The following CNTN5 variants were observed in gnomAD, a reference collection of about 807,000 sequenced individuals.
The protein encoded by CNTN5 is contactin 5, also known as contactin-5.
CNTN5 carries 77 observed loss-of-function variants against 129.1 expected under a neutral mutation model. The ratio of observed to expected loss-of-function variants is 0.60; its 90% CI spans 0.50 to 0.72. The LOEUF (loss-of-function observed/expected upper bound fraction) is 0.72, where lower values mean the gene tolerates loss of function less well. Among genes scored for constraint, CNTN5 ranks in the 30% least tolerant of loss-of-function variants. The probability of loss-of-function intolerance (pLI) is 0.00; values close to 1 mark genes in which losing one functional copy is unlikely to be tolerated. For missense variants in CNTN5, 1,478 were observed against 1,328.8 expected (o/e 1.11, Z -1.75); for synonymous variants, 509 against 465.6 (o/e 1.09, Z -1.20).
intron 21 of CNTN5, among the ~76,000 whole-genome samples, chr11:100,313,722 A>T (rs993711416): frequency 5.9e-5 from 9 of 152,034 alleles, no homozygotes; most frequent in Non-Finnish European, 1.2e-4. Flanking sequence ...GAACAAGAGC[A>T]GAGGGGAATG....
intron 1 of CNTN5, among the ~76,000 whole-genome samples, chr11:99,310,859 T>C (rs1865082921): frequency 6.6e-6 from 1 of 152,210 alleles, no homozygotes; most frequent in South Asian, 2.1e-4. Flanking sequence ...GCAAATATTT[T>C]TCTGTGTCTA....
intron 1 of CNTN5, among the ~76,000 whole-genome samples, chr11:99,023,171 C>G (rs1473388292): frequency 6.6e-6 from 1 of 152,154 alleles, no homozygotes; most frequent in Non-Finnish European, 1.5e-5. Flanking sequence ...AATTCTTAGT[C>G]AGGGAGCCAA....
At chr11:99,100,086 A>G (rs1866650058) in intron 1 of CNTN5, among the ~76,000 whole-genome samples, 1 of 152,154 alleles carries the variant, frequency 6.6e-6, no homozygotes, top group Non-Finnish European at 1.5e-5. Flanking sequence ...TTTGGGAAAA[A>G]AATTTTATAA....
intron 2 of CNTN5, among the ~76,000 whole-genome samples, chr11:99,472,795 A>G (rs1459573366): frequency 6.6e-6 from 1 of 152,006 alleles, no homozygotes; most frequent in Non-Finnish European, 1.5e-5. Context: ...CACCCTCCCC[A>G]GGTGCACACC....
At chr11:99,536,006 A>T (rs1374286517) in intron 2 of CNTN5, among the ~76,000 whole-genome samples, 1 of 152,152 alleles carries the variant, frequency 6.6e-6, no homozygotes, top group Non-Finnish European at 1.5e-5. Context: ...TATCAACCAC[A>T]TTCTAAACTA....
At chr11:99,695,440 C>T (rs915014334) in intron 3 of CNTN5, among the ~76,000 whole-genome samples, 3 of 152,078 alleles carry the variant, frequency 2.0e-5, no homozygotes, top group African/African-American at 7.2e-5. Flanking sequence ...AACTCAGAGA[C>T]ATGGGATACA....
At chr11:99,754,536 C>T (rs1591101554) in intron 3 of CNTN5, among the ~76,000 whole-genome samples, 1 of 152,276 alleles carries the variant, frequency 6.6e-6, no homozygotes, top group East Asian at 1.9e-4. Flanking sequence ...AGACAATTAC[C>T]TCCTAAGAGA....
chr11:99,109,465 C>T (rs569177798), intron 1 of CNTN5, among the ~76,000 whole-genome samples: 8 of 151,900 alleles, frequency 5.3e-5, no homozygotes, highest in South Asian at 4.1e-4. Flanking sequence ...AATGAAGATA[C>T]GTAAGGGACT....
At chr11:99,583,559 C>T (rs1231319831) in intron 3 of CNTN5, among the ~76,000 whole-genome samples, 1 of 152,220 alleles carries the variant, frequency 6.6e-6, no homozygotes, top group Non-Finnish European at 1.5e-5. Flanking sequence ...TGCCTCCTTG[C>T]AGTTAGATCT....
chr11:99,154,298 G>C lies in CNTN5; in HGVS notation c.-210+133028G>C, dbSNP rs184485909. Among the ~76,000 whole-genome samples the C allele has an allele frequency of 2.2e-3, 340 of 152,294 alleles. 1 individual carries two copies. Among genetic ancestry groups the C allele is most frequent in the African/African-American group, 7.5e-3 (311 of 41,560 alleles). ...CTTGCACCAGTGGCAGCCATGGCAC[G>C]GTTGAGACACAGGTTATCACTTGAG... On this transcript the variant is annotated intron_variant, in intron 1 of 24. Transcript: ENST00000524871.
intron 2 of CNTN5, among the ~76,000 whole-genome samples, chr11:99,346,805 C>A (rs372559648): frequency 1.3e-5 from 2 of 152,196 alleles, no homozygotes; most frequent in African/African-American, 4.8e-5. Flanking sequence ...CAAGCTCGCT[C>A]TCTCCTGTGT....
At position 99,673,921 on chromosome 11, in the gene CNTN5, A is replaced by G. The variant is rs548286378; in HGVS notation, c.55+117652A>G. Among the ~76,000 whole-genome samples, 7 of 152,314 alleles carry G rather than the reference A, an allele frequency of 4.6e-5. 1 individual carries two copies. In the East Asian group the frequency reaches 1.2e-3, roughly 25 times the overall value. The stretch of plus-strand genomic sequence containing the variant: ...AGTGCTGCAATGGACATATGCAATC[A>G]TGTGTTTTTATATTATAATAGAACA... On this transcript the variant is annotated intron_variant, in intron 3 of 24. Transcript: ENST00000524871.
intron 2 of CNTN5, among the ~76,000 whole-genome samples, chr11:99,349,087 C>T (rs981733313): frequency 6.6e-6 from 1 of 152,048 alleles, no homozygotes; most frequent in South Asian, 2.1e-4. Context: ...TATAGAGAAA[C>T]GTGAACAAGA....
intron 2 of CNTN5, among the ~76,000 whole-genome samples, chr11:99,479,249 T>G (rs559801861): frequency 5.6e-4 from 83 of 148,176 alleles, no homozygotes; most frequent in Non-Finnish European, 9.1e-4. Flanking sequence ...TCTATCAGGT[T>G]CAGAATGCCC....
intron 3 of CNTN5, among the ~76,000 whole-genome samples, chr11:99,768,136 GAA>G (rs1944819503): frequency 6.6e-6 from 1 of 152,036 alleles, no homozygotes; most frequent in Admixed American, 6.6e-5. Flanking sequence ...TGTCCTTGTA[GAA>G]AAAGTTTGTC....
chr11:99,906,405 G>T (rs537912702), intron 6 of CNTN5, among the ~76,000 whole-genome samples: 6 of 152,218 alleles, frequency 3.9e-5, no homozygotes, highest in East Asian at 1.9e-4. Context: ...TAATCATGTG[G>T]TTTTTGTCAC....
chr11:100,029,500 G>A (rs928074776), intron 9 of CNTN5, among the ~76,000 whole-genome samples: 3 of 151,948 alleles, frequency 2.0e-5, no homozygotes, highest in South Asian at 2.1e-4. Context: ...GGAGAATGGC[G>A]TGAACCCAGG....
chr11:100,045,910 T>C (rs1331054000), intron 9 of CNTN5, among the ~76,000 whole-genome samples: 8 of 152,148 alleles, frequency 5.3e-5, no homozygotes, highest in Admixed American at 1.3e-4. Context: ...ACCTGAGCAA[T>C]GAAGAAAGAC....
chr11:99,646,062 A>T (rs940264428), intron 3 of CNTN5, among the ~76,000 whole-genome samples: 1 of 152,184 alleles, frequency 6.6e-6, no homozygotes, highest in Non-Finnish European at 1.5e-5. Context: ...TAGTGCAGTT[A>T]ATTTGTTTTT....
Sources: allele counts gnomAD v4.1 joint callset (sites outside exome capture counted in the v4.1 genomes callset), GRCh38; gene constraint gnomAD v4.1.1; transcripts MANE v1.5; gene names NCBI Gene and HGNC (gene_info 2026-07-23, HGNC 2026-07-21).